Variants in NYAP2 observed in about 807,000 individuals in gnomAD.
The protein encoded by NYAP2 is neuronal tyrosine-phosphorylated phosphoinositide-3-kinase adapter 2.
Under a neutral mutation model 50.4 loss-of-function variants are expected in NYAP2, and 23 were observed. The ratio of observed to expected loss-of-function variants is 0.46; its 90% CI spans 0.33 to 0.65. The LOEUF (loss-of-function observed/expected upper bound fraction) is 0.65, where lower values mean the gene tolerates loss of function less well. Ranked by LOEUF, NYAP2 falls within the 30% of genes least tolerant of loss-of-function variation. The pLI is 0.02. For synonymous variants in NYAP2, 394 were observed against 365.2 expected (o/e 1.08, Z -0.90); for missense variants, 885 against 861.0 (o/e 1.03, Z -0.35).
the NYAP2 span, among the ~76,000 whole-genome samples, chr2:225,680,212 G>T: frequency 2.0e-5 from 3 of 152,146 alleles, no homozygotes; most frequent in African/African-American, 4.8e-5. Flanking sequence ...TAAGAAAATT[G>T]CACAAAGAAG....
At chr2:225,460,949 C>T (rs962711856) in intron 3 of NYAP2, among the ~76,000 whole-genome samples, 5 of 146,546 alleles carry the variant, frequency 3.4e-5, no homozygotes, top group Non-Finnish European at 7.4e-5. Flanking sequence ...GCCGAAATCG[C>T]GCCACTGCAC....
intron 5 of NYAP2, among the ~76,000 whole-genome samples, chr2:225,589,479 G>T (rs529278550): frequency 2.8e-4 from 38 of 137,180 alleles, no homozygotes; most frequent in African/African-American, 1.0e-3. Context: ...TGAACAGCCT[G>T]GGCAACATAC....
chr2:225,648,041 C>T (rs1693665023), intron 6 of NYAP2, among the ~76,000 whole-genome samples: 2 of 152,050 alleles, frequency 1.3e-5, no homozygotes, highest in South Asian at 2.1e-4. Context: ...GCTCTTGTTG[C>T]CCAGGCTGGA....
At chr2:225,656,945 C>A (rs905669581), downstream of NYAP2, among the ~76,000 whole-genome samples, 4 of 152,068 alleles carry the variant, frequency 2.6e-5, no homozygotes, top group Non-Finnish European at 4.4e-5. Context: ...CTTAATATTT[C>A]CAAAGCAGGG....
downstream of NYAP2, among the ~76,000 whole-genome samples, chr2:225,656,189 C>A (rs1693822517): frequency 6.6e-6 from 1 of 151,896 alleles, no homozygotes; most frequent in East Asian, 1.9e-4. Context: ...TTTGACAGAC[C>A]AAATCTCTTT....
At chr2:225,438,485 C>A (rs1243925891) in intron 3 of NYAP2, among the ~76,000 whole-genome samples, 1 of 152,162 alleles carries the variant, frequency 6.6e-6, no homozygotes, top group Non-Finnish European at 1.5e-5. Context: ...CTGACAAATG[C>A]CTGCTGCTGT....
At chr2:225,657,102 CT>C (rs375126014), downstream of NYAP2, among the ~76,000 whole-genome samples, 13,219 of 100,378 alleles carry the variant, frequency 0.13, 520 homozygotes, top group African/African-American at 0.27. Flanking sequence ...AATCTAATTC[CT>C]TTTTTTTTTT....
intron 4 of NYAP2, among the ~76,000 whole-genome samples, chr2:225,547,692 A>G (rs1398118108): frequency 6.6e-6 from 1 of 152,244 alleles, no homozygotes; most frequent in Non-Finnish European, 1.5e-5. Flanking sequence ...GGGATGGGGA[A>G]GAAGTGGCAT....
intron 3 of NYAP2, among the ~76,000 whole-genome samples, chr2:225,511,598 C>T (rs1293101405): frequency 1.3e-5 from 2 of 152,080 alleles, no homozygotes; most frequent in African/African-American, 4.8e-5. Flanking sequence ...GAAAAAAATA[C>T]ATATAAAATA....
chr2:225,636,713 C>T (rs936069), intron 6 of NYAP2, among the ~76,000 whole-genome samples: 79,272 of 151,806 alleles, frequency 0.52, 21,237 homozygotes, highest in Admixed American at 0.66. Context: ...GACTGTATGT[C>T]AATTCTGATC....
intron 3 of NYAP2, among the ~76,000 whole-genome samples, chr2:225,491,162 C>G (rs1318969426): frequency 6.6e-6 from 1 of 152,126 alleles, no homozygotes; most frequent in Non-Finnish European, 1.5e-5. Context: ...AAATTAAATT[C>G]CTGGCTACAG....
intron 3 of NYAP2, among the ~76,000 whole-genome samples, chr2:225,432,534 G>A (rs1318126884): frequency 6.6e-6 from 1 of 151,264 alleles, no homozygotes; most frequent in Non-Finnish European, 1.5e-5. Flanking sequence ...TTTATATTTA[G>A]ATAAATTGCT....
the NYAP2 span, among the ~76,000 whole-genome samples, chr2:225,690,903 C>G: frequency 6.6e-6 from 1 of 152,048 alleles, no homozygotes; most frequent in Non-Finnish European, 1.5e-5. Flanking sequence ...TTCTATCAGA[C>G]AATTCTAATA....
chr2:225,645,696 G>C (rs1000391725), intron 6 of NYAP2, among the ~76,000 whole-genome samples: 1 of 152,132 alleles, frequency 6.6e-6, no homozygotes, highest in Non-Finnish European at 1.5e-5. Context: ...GGATTTCCTT[G>C]GGGTAGGAAA....
intron 4 of NYAP2, among the ~76,000 whole-genome samples, chr2:225,554,751 A>T (rs1226290315): frequency 6.6e-6 from 1 of 152,172 alleles, no homozygotes; most frequent in African/African-American, 2.4e-5. Flanking sequence ...AAGACTACAG[A>T]TGATAATAGT....
At chr2:225,495,005 A>G (rs180967806) in intron 3 of NYAP2, among the ~76,000 whole-genome samples, 213 of 152,302 alleles carry the variant, frequency 1.4e-3, no homozygotes, top group African/African-American at 4.9e-3. Flanking sequence ...ATATTCAAAC[A>G]CTTTTATTTG....
intron 5 of NYAP2, among the ~76,000 whole-genome samples, chr2:225,590,453 G>T (rs921128176): frequency 2.0e-5 from 3 of 152,202 alleles, no homozygotes; most frequent in African/African-American, 7.2e-5. Flanking sequence ...AATACAGATT[G>T]CTGGGCTTTA....
intron 4 of NYAP2, among the ~76,000 whole-genome samples, chr2:225,518,619 TA>T (rs1690985792): frequency 7.2e-6 from 1 of 139,106 alleles, no homozygotes; most frequent in Admixed American, 7.4e-5. Context: ...CTTGTGAGCT[TA>T]TATATATATA....
At chr2:225,437,167 C>G (rs571662831) in intron 3 of NYAP2, among the ~76,000 whole-genome samples, 1 of 151,966 alleles carries the variant, frequency 6.6e-6, no homozygotes, top group East Asian at 1.9e-4. Context: ...AACCAAGCAG[C>G]CATCTTTTCT....
Sources: allele counts gnomAD v4.1 joint callset (sites outside exome capture counted in the v4.1 genomes callset), GRCh38; gene constraint gnomAD v4.1.1; transcripts MANE v1.5; gene names NCBI Gene and HGNC (gene_info 2026-07-23, HGNC 2026-07-21).